The following PDILT variants were observed in gnomAD, a reference collection of about 807,000 sequenced individuals.
PDILT encodes the protein protein disulfide-isomerase-like protein of the testis.
Under a neutral mutation model 53.7 loss-of-function variants are expected in PDILT, and 43 were observed. The observed-to-expected ratio is 0.80, with a 90% CI of 0.63 to 1.03. PDILT has a LOEUF of 1.03. Ranked by LOEUF, PDILT falls within the 50% of genes least tolerant of loss-of-function variation. The pLI is 0.00. For synonymous variants in PDILT, 282 were observed against 274.2 expected, an observed-to-expected ratio of 1.03 and a Z score of -0.28; for missense variants, 727 against 712.3, an observed-to-expected ratio of 1.02 and a Z score of -0.24.
At chr16:20,363,899 G>A (rs1806721981) in intron 9 of PDILT, among the ~76,000 whole-genome samples, 1 of 151,632 alleles carries the variant, frequency 6.6e-6, no homozygotes, top group South Asian at 2.1e-4. Context: ...CCAACCCAAG[G>A]GAAAGCAAAT....
Position 20,359,345 on chromosome 16 carries a change from T to C in PDILT, c.1729A>G (p.Lys577Glu). ...TAAAGTTCTTCCTTGACTTTTGGTTTCTTCTTTTGCACTGGAGGTCCCTTT... is the reference window on the plus strand; with the variant it reads ...TAAAGTTCTTCCTTGACTTTTGGTTCCTTCTTTTGCACTGGAGGTCCCTTT... ...KPKGPPVQKK[K>E]PKVKEEL The change falls in exon 12 of 12, where the codon AAA (lysine) becomes GAA (glutamate). Residue 577 changes from lysine (K) to glutamate (E), a missense_variant. Coordinates refer to ENST00000302451, the MANE Select transcript of PDILT (RefSeq NM_174924.2). 6.2e-7 allele frequency: 1 copy of C among 1,613,992 alleles called. No homozygotes were observed. Among genetic ancestry groups the C allele is most frequent in the Non-Finnish European group, 8.5e-7 (1 of 1,179,988 alleles).
intron 8 of PDILT, among the ~76,000 whole-genome samples, chr16:20,369,125 C>T (rs1411343161): frequency 1.3e-5 from 2 of 152,224 alleles, no homozygotes; most frequent in Non-Finnish European, 2.9e-5. Flanking sequence ...CTCCCTTCTC[C>T]TCCTCAAAGC....
At chr16:20,372,297 T>C (rs1380430563) in intron 7 of PDILT, among the ~76,000 whole-genome samples, 1 of 152,214 alleles carries the variant, frequency 6.6e-6, no homozygotes, top group African/African-American at 2.4e-5. Context: ...CCTAAGACAG[T>C]GTAGTTTGCC....
chr16:20,374,993 T>C (rs1322084517), intron 4 of PDILT, 34 bp from the exon 5 acceptor site: 1 of 1,577,660 alleles, frequency 6.3e-7, no homozygotes, highest in South Asian at 1.2e-5. Flanking sequence ...AAGGCTTTGG[T>C]AGAAATCAAG....
intron 2 of PDILT, among the ~76,000 whole-genome samples, chr16:20,389,410 A>G (rs1191856365): frequency 6.6e-6 from 1 of 152,184 alleles, no homozygotes; most frequent in Non-Finnish European, 1.5e-5. Flanking sequence ...ACAAATAAAC[A>G]TTAGCTATTT....
At chr16:20,403,129 T>A (rs1380738305) in intron 1 of PDILT, among the ~76,000 whole-genome samples, 1 of 152,196 alleles carries the variant, frequency 6.6e-6, no homozygotes, top group Non-Finnish European at 1.5e-5. Context: ...ATTCTCCCTG[T>A]GTGCATTCTC....
intron 3 of PDILT, among the ~76,000 whole-genome samples, chr16:20,379,939 G>C (rs1411124916): frequency 6.6e-6 from 1 of 152,132 alleles, no homozygotes; most frequent in African/African-American, 2.4e-5. Flanking sequence ...GCCATCTTTA[G>C]GTAAAAATAA....
intron 7 of PDILT, among the ~76,000 whole-genome samples, chr16:20,372,131 G>A (rs762812414): frequency 1.3e-5 from 2 of 152,090 alleles, no homozygotes; most frequent in South Asian, 2.1e-4. Context: ...CAGGAACAGC[G>A]CTTAGGGGAA....
intron 1 of PDILT, 121 bp from the exon 2 acceptor site, chr16:20,399,428 C>T (rs1456976155): frequency 2.0e-6 from 2 of 990,348 alleles, no homozygotes; most frequent in Non-Finnish European, 1.5e-6. Flanking sequence ...AGCATTGCCT[C>T]CCAGCAATGC....
At chr16:20,362,145 C>T (rs962371561) in intron 10 of PDILT, among the ~76,000 whole-genome samples, 3 of 152,192 alleles carry the variant, frequency 2.0e-5, no homozygotes, top group African/African-American at 7.2e-5. Flanking sequence ...CAGGCCTGCC[C>T]ATCAAAACAC....
chr16:20,388,478 T>C lies in PDILT; in HGVS notation c.203-3627A>G, dbSNP rs142537403. ...ATTGGCCAGCTGGTCTGAAAAATCT[T>C]TTTCTTGGAGCAGATTAATGGGGGC... On this transcript the variant is annotated intron_variant, in intron 2 of 11. Transcript: ENST00000302451. Among the ~76,000 whole-genome samples, 46 of 152,296 alleles carry C rather than the reference T, an allele frequency of 3.0e-4. 2 individuals are homozygous for C. In the East Asian group the frequency reaches 6.6e-3, roughly 22 times the overall value.
intron 3 of PDILT, among the ~76,000 whole-genome samples, chr16:20,377,989 G>T (rs1966410365): frequency 6.6e-6 from 1 of 151,734 alleles, no homozygotes; most frequent in East Asian, 1.9e-4. Context: ...AGAAAAGAAT[G>T]CTCTGGAGTT....
intron 3 of PDILT, among the ~76,000 whole-genome samples, chr16:20,378,634 C>T (rs1966419460): frequency 6.6e-6 from 1 of 152,156 alleles, no homozygotes; most frequent in African/African-American, 2.4e-5. Context: ...AGACAGGCCC[C>T]AATGTGTGAT....
At chr16:20,386,220 G>T (rs906567259) in intron 2 of PDILT, among the ~76,000 whole-genome samples, 3 of 152,118 alleles carry the variant, frequency 2.0e-5, no homozygotes, top group Non-Finnish European at 4.4e-5. Flanking sequence ...CGTGACCTTG[G>T]CAGTGCAAGA....
At chr16:20,361,532 A>G (rs1350523548) in intron 10 of PDILT, among the ~76,000 whole-genome samples, 1 of 152,060 alleles carries the variant, frequency 6.6e-6, no homozygotes, top group Non-Finnish European at 1.5e-5. Context: ...CCCACAGGTC[A>G]CCTAAGCTTC....
chr16:20,379,490 T>G (rs545226987), intron 3 of PDILT, among the ~76,000 whole-genome samples: 36 of 152,278 alleles, frequency 2.4e-4, no homozygotes, highest in African/African-American at 8.7e-4. Flanking sequence ...TTTTAAGCAA[T>G]TTTTAGTAGA....
rs1252210326 is a variant in PDILT, at chr16:20,369,496, G to T, written c.1112C>A (p.Ala371Asp). The T allele has an allele frequency of 6.2e-7, 1 of 1,613,490 alleles. No individual in the cohort carries two copies. The highest frequency in any genetic ancestry group is 8.5e-7 in the Non-Finnish European group (1 of 1,179,496). Reference sequence around the variant, plus strand: ...CTTGTCCAAGAAAAAACCTACTGTGGCATTTTTACTCAGGAAGCTGCGGCC... The same window carrying T: ...CTTGTCCAAGAAAAAACCTACTGTGTCATTTTTACTCAGGAAGCTGCGGCC... ...KFGRSFLSKN[A>D]TKHQSSEEIP... The change falls in exon 8 of 12, where the codon GCC (alanine) becomes GAC (aspartate). Residue 371 changes from alanine to aspartate, a missense_variant. Physicochemically the swap from Ala to Asp is moderately radical, Grantham distance 126. Transcript: ENST00000302451.
intron 2 of PDILT, among the ~76,000 whole-genome samples, chr16:20,396,875 C>A (rs767550642): frequency 2.7e-5 from 4 of 147,182 alleles, no homozygotes; most frequent in Non-Finnish European, 6.1e-5. Context: ...GAATAAGAAC[C>A]CAATGGTGAT....
chr16:20,368,017 C>CA (rs374091747), intron 8 of PDILT, among the ~76,000 whole-genome samples: 19 of 152,156 alleles, frequency 1.2e-4, no homozygotes, highest in African/African-American at 4.6e-4. Context: ...AATGCAAGTT[C>CA]ACAGAGGGGG....
Sources: gnomAD v4.1 joint callset for allele counts (sites outside exome capture counted in the v4.1 genomes callset) on GRCh38, gnomAD v4.1.1 for gene constraint, MANE v1.5 for transcripts, NCBI Gene and HGNC (gene_info 2026-07-23, HGNC 2026-07-21) for gene names.